Variants in TLE2 observed in about 807,000 individuals in gnomAD.
TLE2 encodes transducin-like enhancer protein 2.
In TLE2, 74 loss-of-function variants were observed where a neutral mutation model predicts 97.2. The ratio of observed to expected loss-of-function variants is 0.76; its 90% CI spans 0.63 to 0.92. The LOEUF (loss-of-function observed/expected upper bound fraction) is 0.92, where lower values mean the gene tolerates loss of function less well. TLE2 is among the 40% of genes least tolerant of loss of function. TLE2 has a pLI of 0.00. For missense variants in TLE2, 1,038 were observed against 1,008.7 expected (o/e 1.03, Z -0.39); for synonymous variants, 499 against 432.1 (o/e 1.15, Z -1.92).
At chr19:3,022,799 G>A (rs1333977979) in intron 5 of TLE2, among the ~76,000 whole-genome samples, 1 of 152,002 alleles carries the variant, frequency 6.6e-6, no homozygotes, top group South Asian at 2.1e-4. Flanking sequence ...GGATGGGTTG[G>A]AAGACTTTCT....
At chr19:2,998,237 A>ATGTGTGTGTGTGTG (rs56398458) in intron 19 of TLE2, among the ~76,000 whole-genome samples, 69 of 121,418 alleles carry the variant, frequency 5.7e-4, no homozygotes, top group African/African-American at 2.0e-3. Flanking sequence ...CGCCCGGCCA[A>ATGTGTGTGTGTGTG]TGTGTGTGTG....
chr19:3,006,796 T>C, intron 14 of TLE2, 127 bp from the exon 15 acceptor site: 3 of 1,376,976 alleles, frequency 2.2e-6, no homozygotes, highest in Non-Finnish European at 2.9e-6. Flanking sequence ...TTTGTTTTGT[T>C]TTTTGAGAGG....
intron 5 of TLE2, among the ~76,000 whole-genome samples, chr19:3,020,755 T>C (rs879845957): frequency 3.3e-5 from 5 of 152,136 alleles, no homozygotes; most frequent in Non-Finnish European, 5.9e-5. Context: ...CGGCAGCATA[T>C]TCAGCTTTCA....
chr19:3,013,214 C>T (rs2145154225), intron 11 of TLE2, among the ~76,000 whole-genome samples: 1 of 152,180 alleles, frequency 6.6e-6, no homozygotes, highest in African/African-American at 2.4e-5. Flanking sequence ...CATTAAACTC[C>T]AGGAGGTCCA....
chr19:3,028,349 C>T lies in TLE2; in HGVS notation c.156G>A (p.Glu52=), dbSNP rs1393219164. Residue 52 remains glutamate (E), a synonymous_variant, in exon 3 of 20, where the codon GAG becomes GAA. Transcript: ENST00000262953. The part of the protein sequence containing the change: ...LKLECEKLAS[E]KTEMQRHYVM... ...CATAATGTCGCTGCATTTCCGTCTT[C>T]TCGCTGGCCAGCTTCTCACATTCTA... The T allele has an allele frequency of 1.2e-6, 2 of 1,609,798 alleles. No individual in the cohort carries two copies. Among genetic ancestry groups the T allele is most frequent in the Non-Finnish European group, 1.7e-6 (2 of 1,177,966 alleles).
chr19:3,006,249 C>A, intron 15 of TLE2, 171 bp downstream of exon 15: 1 of 1,186,442 alleles, frequency 8.4e-7, no homozygotes, highest in Non-Finnish European at 1.2e-6. Context: ...GAGCCCCACC[C>A]CTTTGGCCTG....
At chr19:3,037,559 C>G (rs924309774) in intron 1 of TLE2, among the ~76,000 whole-genome samples, 1 of 152,144 alleles carries the variant, frequency 6.6e-6, no homozygotes, top group Non-Finnish European at 1.5e-5. Flanking sequence ...TTAGAAGGCC[C>G]CTGTGCCTAC....
intron 9 of TLE2, 57 bp from the exon 10 acceptor site, chr19:3,014,671 CT>C (rs947829754): frequency 7.5e-6 from 11 of 1,468,206 alleles, no homozygotes; most frequent in Middle Eastern, 1.8e-4. Context: ...TCCACACCCC[CT>C]ATCCGCTCCT....
At chr19:3,000,824 CTTTTTTT>C in intron 18 of TLE2, 101 bp from the exon 19 acceptor site, 1 of 505,196 alleles carries the variant, frequency 2.0e-6, no homozygotes, top group Non-Finnish European at 3.4e-6. Flanking sequence ...TGGCCTCTCC[CTTTTTTT>C]TTTTTTTTTT....
In TLE2 at chr19:3,005,820, C is replaced by G. The variant is rs1175195672; in HGVS notation, c.1649G>C (p.Cys550Ser). The G allele has an allele frequency of 6.2e-7, 1 of 1,614,032 alleles. No homozygotes were observed. Among genetic ancestry groups the G allele is most frequent in the South Asian group, 1.1e-5 (1 of 91,086 alleles). ...KAELTSSAPA[C>S]YALAVSPDAK... ...GTCGGGGCTGACGGCCAGGGCGTAG[C>G]AGGCTGGGGCTGAGGAAGTCAGCTC... is the stretch of plus-strand genomic sequence containing the variant. The change falls in exon 16 of 20, where the codon TGC (cysteine) becomes TCC (serine). Residue 550 changes from cysteine (C) to serine (S), a missense_variant. By Grantham distance (112) the Cys-to-Ser change is moderately radical (BLOSUM62 -1). Coordinates refer to ENST00000262953, the MANE Select transcript of TLE2 (RefSeq NM_003260.5).
At chr19:3,016,903 A>G (rs529361837) in intron 8 of TLE2, among the ~76,000 whole-genome samples, 2 of 147,014 alleles carry the variant, frequency 1.4e-5, no homozygotes, top group Admixed American at 6.8e-5. Context: ...CTCAGCCTCC[A>G]GAGTAGCTGG....
At chr19:3,023,456 TCTCAGA>T (rs1314061066) in intron 5 of TLE2, among the ~76,000 whole-genome samples, 1 of 152,176 alleles carries the variant, frequency 6.6e-6, no homozygotes, top group Non-Finnish European at 1.5e-5. Context: ...CTTCCAGAAA[TCTCAGA>T]CTCAGTGGAA....
rs371294002 is a variant in TLE2 at position 3,017,273 on chromosome 19, G to A, written c.570+567C>T. ...CTGCCTTGACCTCCCGAGTAGCTGG[G>A]ATTACAGGCACCCGCCGCCACGTTT... On this transcript the variant is annotated intron_variant, in intron 8 of 19. Coordinates refer to ENST00000262953, the MANE Select transcript of TLE2 (RefSeq NM_003260.5). 1.5e-3 allele frequency among the ~76,000 whole-genome samples: 230 copies of A among 151,756 alleles called. 1 individual carries two copies. The Middle Eastern group carries it at 0.024, about 16-fold the overall frequency.
chr19:3,042,665 G>A (rs1052186930), intron 1 of TLE2, among the ~76,000 whole-genome samples: 5 of 151,204 alleles, frequency 3.3e-5, no homozygotes, highest in African/African-American at 9.7e-5. Flanking sequence ...TGGATAATCT[G>A]TTTCAAACCT....
At chr19:3,025,114 CG>C (rs1164025804) in intron 4 of TLE2, 32 bp from the exon 5 acceptor site, 1 of 1,582,320 alleles carries the variant, frequency 6.3e-7, no homozygotes. Context: ...AAGCTTGGAG[CG>C]GGGTAGAGAT....
At chr19:3,024,962 C>T (rs1029264046) in intron 5 of TLE2, 58 bp downstream of exon 5, 1 of 1,469,402 alleles carries the variant, frequency 6.8e-7, no homozygotes, top group Non-Finnish European at 9.3e-7. Flanking sequence ...CAGACCTACC[C>T]CCTCCCGTCT....
At chr19:3,032,391 C>T (rs569171496), upstream of TLE2, among the ~76,000 whole-genome samples, 1 of 152,196 alleles carries the variant, frequency 6.6e-6, no homozygotes, top group Admixed American at 6.5e-5. This position sits in a 1 kb window ranked among gnomAD's most constrained non-coding sequence, Gnocchi z 4.1. Context: ...GTGCCCACCA[C>T]CACGCCTGGC....
intron 5 of TLE2, among the ~76,000 whole-genome samples, chr19:3,021,587 ATTTTTAC>A: frequency 6.6e-6 from 1 of 152,070 alleles, no homozygotes; most frequent in African/African-American, 2.4e-5. Context: ...GCTTATTTTT[ATTTTTAC>A]TTTTTTGAGA....
At chr19:3,023,664 G>A (rs867549630) in intron 5 of TLE2, among the ~76,000 whole-genome samples, 17 of 152,018 alleles carry the variant, frequency 1.1e-4, no homozygotes, top group African/African-American at 2.2e-4. Flanking sequence ...AGCCTGACAC[G>A]GGCGGATTGC....
Sources: gnomAD v4.1 joint callset for allele counts (sites outside exome capture counted in the v4.1 genomes callset) on GRCh38, gnomAD v4.1.1 for gene constraint, Gnocchi (gnomAD v3.1) non-coding constraint, MANE v1.5 for transcripts, NCBI Gene and HGNC (gene_info 2026-07-23, HGNC 2026-07-21) for gene names.